The following XRN1 variants were observed in gnomAD, a reference collection of about 807,000 sequenced individuals.
XRN1 encodes the protein 5'-3' exoribonuclease 1, also known as strand-exchange protein 1 homolog.
XRN1 carries 67 observed loss-of-function variants against 222.3 expected under a neutral mutation model. The ratio of observed to expected loss-of-function variants is 0.30; its 90% CI spans 0.25 to 0.37. The LOEUF (loss-of-function observed/expected upper bound fraction) is 0.37. Among genes scored for constraint, XRN1 ranks in the 10% least tolerant of loss-of-function variants. XRN1 has a pLI of 1.00. For missense variants in XRN1, 1,707 were observed against 2,000.2 expected (o/e 0.85, Z 2.80); for synonymous variants, 643 against 652.4 (o/e 0.99, Z 0.22).
intron 13 of XRN1, among the ~76,000 whole-genome samples, chr3:142,416,754 G>A (rs371050091): frequency 2.6e-5 from 4 of 151,894 alleles, no homozygotes; most frequent in Non-Finnish European, 5.9e-5. Flanking sequence ...AGTAGAGGCC[G>A]GGTGCAGTGA....
intron 37 of XRN1, among the ~76,000 whole-genome samples, chr3:142,319,690 A>G (rs2107868666): frequency 6.6e-6 from 1 of 152,100 alleles, no homozygotes; most frequent in South Asian, 2.1e-4. Context: ...ATCTTTTGAA[A>G]TCTCTAATGT....
intron 18 of XRN1, among the ~76,000 whole-genome samples, chr3:142,400,817 T>C (rs1334585796): frequency 6.6e-6 from 1 of 152,094 alleles, no homozygotes; most frequent in African/African-American, 2.4e-5. Context: ...ACCCGGAGGC[T>C]GAGGCAGCAG....
At chr3:142,351,813 A>G (rs183460708) in intron 32 of XRN1, among the ~76,000 whole-genome samples, 56 of 152,002 alleles carry the variant, frequency 3.7e-4, no homozygotes, top group Non-Finnish European at 6.5e-4. Context: ...TAGGACAGAT[A>G]TCACAGCTGG....
chr3:142,434,083 C>T (rs6808413), intron 1 of XRN1, among the ~76,000 whole-genome samples: 1 of 152,142 alleles, frequency 6.6e-6, no homozygotes, highest in South Asian at 2.1e-4. Flanking sequence ...ACTGTTTATT[C>T]CAAGAAATCT....
chr3:142,395,135 G>A (rs559773467), intron 20 of XRN1, among the ~76,000 whole-genome samples: 1 of 152,228 alleles, frequency 6.6e-6, no homozygotes, highest in Non-Finnish European at 1.5e-5. Context: ...ATTCTAATGT[G>A]CAAAAATCAC....
chr3:142,351,905 TA>T (rs36045093), intron 32 of XRN1, among the ~76,000 whole-genome samples: 7,055 of 136,974 alleles, frequency 0.052, 141 homozygotes, highest in Non-Finnish European at 0.071. Context: ...TTTTTTAAGT[TA>T]AAAAAAAAAA....
intron 29 of XRN1, among the ~76,000 whole-genome samples, chr3:142,360,353 T>C (rs543615905): frequency 1.1e-4 from 16 of 152,310 alleles, no homozygotes; most frequent in African/African-American, 2.9e-4. Flanking sequence ...CACGTAAACA[T>C]GTGCATTCAG....
chr3:142,373,449 GA>G (rs2067047086), intron 25 of XRN1, among the ~76,000 whole-genome samples: 1 of 151,972 alleles, frequency 6.6e-6, no homozygotes, highest in African/African-American at 2.4e-5. Context: ...AATAATACAA[GA>G]AAGTTTCTCA....
chr3:142,419,607 G>A lies in XRN1; in HGVS notation c.1174-726C>T, dbSNP rs148229207. On this transcript the variant is annotated intron_variant, in intron 10 of 40. Coordinates refer to ENST00000392981, the MANE Select transcript of XRN1 (RefSeq NM_001282857.2). ...GGGCAGATCACGAGGTCAGGAGTTC[G>A]AGACCAGCATTACCAACATAGTGAA... Among the ~76,000 whole-genome samples the A allele has an allele frequency of 9.4e-3, 1,436 of 152,176 alleles. 22 individuals carry two copies. Among genetic ancestry groups the A allele is most frequent in the African/African-American group, 0.033 (1,355 of 41,522 alleles).
intron 2 of XRN1, among the ~76,000 whole-genome samples, chr3:142,432,343 C>G (rs1227031804): frequency 6.7e-6 from 1 of 149,170 alleles, no homozygotes; most frequent in Non-Finnish European, 1.5e-5. Flanking sequence ...ATCACTTGAA[C>G]TGGGGAGGCA....
At chr3:142,323,994 C>T (rs2065439001) in intron 37 of XRN1, among the ~76,000 whole-genome samples, 1 of 151,762 alleles carries the variant, frequency 6.6e-6, no homozygotes, top group Non-Finnish European at 1.5e-5. Context: ...ATATCCATCA[C>T]CTCAAGTATT....
chr3:142,388,872 T>C (rs2067607746), intron 20 of XRN1, among the ~76,000 whole-genome samples: 3 of 152,202 alleles, frequency 2.0e-5, no homozygotes, highest in Admixed American at 2.0e-4. Flanking sequence ...TCACTATGAG[T>C]AGATTCCATC....
intron 33 of XRN1, 44 bp from the exon 34 acceptor site, chr3:142,335,553 C>T (rs2065829399): frequency 6.6e-7 from 1 of 1,520,736 alleles, no homozygotes; most frequent in Non-Finnish European, 9.1e-7. Flanking sequence ...GAAGTGTTTA[C>T]TGCACAATTA....
intron 15 of XRN1, among the ~76,000 whole-genome samples, chr3:142,411,439 A>T (rs1046700019): frequency 6.6e-6 from 1 of 151,732 alleles, no homozygotes; most frequent in Non-Finnish European, 1.5e-5. Context: ...TTTATTTTAA[A>T]CCTTTTTCTT....
chr3:142,371,161 C>G, intron 26 of XRN1, 78 bp downstream of exon 26: 2 of 988,106 alleles, frequency 2.0e-6, no homozygotes, highest in Non-Finnish European at 3.0e-6. Context: ...ATATGAAATT[C>G]TTGAGAAACC....
chr3:142,384,670 T>G lies in XRN1; in HGVS notation c.2355A>C (p.Lys785Asn), dbSNP rs2067429485. 6.3e-7 allele frequency: 1 copy of G among 1,590,306 alleles called. No individual in the cohort carries two copies. Among genetic ancestry groups the G allele is most frequent in the East Asian group, 2.3e-5 (1 of 44,086 alleles). The change falls in exon 21 of 41, where the codon AAA becomes AAC. Residue 785 changes from lysine (K) to asparagine (N), a missense_variant. Physicochemically the swap from Lys to Asn is moderately conservative, Grantham distance 94 (BLOSUM62 0). This residue lies in a region of XRN1 where 1,234 missense variants were observed against 1,518.2 expected (regional missense o/e 0.81). Coordinates refer to ENST00000392981, the MANE Select transcript of XRN1 (RefSeq NM_001282857.2). Reference sequence around the variant, plus strand: ...CAGATGTTTCATTTATTATTATTCCTTTTCTTCTCAGGTAGCTAAAATAAA... The same window carrying G: ...CAGATGTTTCATTTATTATTATTCCGTTTCTTCTCAGGTAGCTAAAATAAA... ...QGISEHYLRR[K>N]GIIINETSAV... is the part of the protein sequence containing the mutation.
chr3:142,323,789 C>T (rs866294990), intron 37 of XRN1, among the ~76,000 whole-genome samples: 1 of 151,850 alleles, frequency 6.6e-6, no homozygotes, highest in Non-Finnish European at 1.5e-5. Context: ...CAAAATGACA[C>T]CCCATCTCTT....
rs1008647878 is a variant in XRN1 at position 142,400,362 on chromosome 3, G to C, written c.2207+82C>G. 11 of 1,173,304 alleles carry C rather than the reference G, an allele frequency of 9.4e-6. No individual in the cohort carries two copies. The Middle Eastern group carries it at 6.0e-4, about 64-fold the overall frequency. 72.7% of individuals were successfully genotyped at this position (1,173,304 alleles called of 1,614,324 possible). On this transcript the variant is annotated intron_variant, in intron 19 of 40. Coordinates refer to ENST00000392981, the MANE Select transcript of XRN1 (RefSeq NM_001282857.2). ...AAATGTTCTTAATATAATTTTGTCA[G>C]TTAAAAAAATGAATCAATAAAAGCC...
rs1560271179 is a variant in XRN1 at position 142,308,456 on chromosome 3, T to C, written c.*3055A>G. On this transcript the variant is annotated 3_prime_UTR_variant, in exon 41 of 41. Coordinates refer to ENST00000392981, the MANE Select transcript of XRN1 (RefSeq NM_001282857.2). ...GGGAAAAAAACCCTTCAATCTTTAT[T>C]AGTTACCCCTTTGAAAAGCAAGAAA... The C allele has an allele frequency of 1.3e-5, 2 of 152,206 alleles. No homozygotes were observed. The highest frequency in any genetic ancestry group is 3.8e-4 in the East Asian group (2 of 5,196). 9.4% of individuals were successfully genotyped at this position (152,206 alleles called of 1,614,324 possible). A position where few individuals can be genotyped will look rare whatever the true frequency, so the allele number is the denominator to read the frequency against.
Sources: allele counts gnomAD v4.1 joint callset (sites outside exome capture counted in the v4.1 genomes callset), GRCh38; gene constraint gnomAD v4.1.1; regional missense constraint gnomAD v4.1.1; transcripts MANE v1.5; gene names NCBI Gene and HGNC (gene_info 2026-07-23, HGNC 2026-07-21).